The following ATP6V1H variants were observed in gnomAD, a reference collection of about 807,000 sequenced individuals.
ATP6V1H encodes V-type proton ATPase subunit H.
In ATP6V1H, 39 loss-of-function variants were observed where a neutral mutation model predicts 71.7. The observed-to-expected ratio is 0.54, with a 90% CI of 0.42 to 0.71. The LOEUF is 0.71. Among genes scored for constraint, ATP6V1H ranks in the 30% least tolerant of loss-of-function variants. The probability of loss-of-function intolerance (pLI) is 0.00; values close to 1 mark genes in which losing one functional copy is unlikely to be tolerated. For missense variants in ATP6V1H, 509 were observed against 594.9 expected (o/e 0.86, Z 1.50); for synonymous variants, 192 against 199.3 (o/e 0.96, Z 0.31).
In ATP6V1H at chr8:53,753,450, A is replaced by G. The variant is rs562998361; in HGVS notation, c.1277+3105T>C. 2.8e-4 allele frequency among the ~76,000 whole-genome samples: 42 copies of G among 152,240 alleles called. 1 individual carries two copies. Among genetic ancestry groups the G allele is most frequent in the Non-Finnish European group, 5.3e-4 (36 of 68,048 alleles). On this transcript the variant is annotated intron_variant, in intron 12 of 13. Transcript: ENST00000359530. ...GAGAAAGAAAGGAACAGGGCAGTAG[A>G]GCAGAATTACGTGAAGGCATAGCAG...
At chr8:53,837,424 C>T (rs971750470) in intron 2 of ATP6V1H, among the ~76,000 whole-genome samples, 4 of 151,358 alleles carry the variant, frequency 2.6e-5, no homozygotes, top group Non-Finnish European at 4.4e-5. Context: ...ACAGAAAATA[C>T]GCAAATACAA....
intron 9 of ATP6V1H, among the ~76,000 whole-genome samples, chr8:53,772,430 A>G (rs1366825394): frequency 6.6e-6 from 1 of 152,194 alleles, no homozygotes; most frequent in Non-Finnish European, 1.5e-5. Context: ...ACAACACTGA[A>G]CACGTTTACA....
rs190264639 is a variant in ATP6V1H, at chr8:53,727,272, G to A, written c.1392-11248C>T. ...TCAGTCCTTCCTTCCTCATCCTCTCGGCTTATTTTACACTGCTCACCACTA... is the reference window on the plus strand; with the variant it reads ...TCAGTCCTTCCTTCCTCATCCTCTCAGCTTATTTTACACTGCTCACCACTA... On this transcript the variant is annotated intron_variant, in intron 13 of 13. Coordinates refer to ENST00000359530, the MANE Select transcript of ATP6V1H (RefSeq NM_015941.4). 2.3e-3 allele frequency among the ~76,000 whole-genome samples: 347 copies of A among 152,104 alleles called. 2 individuals are homozygous for A. The highest frequency in any genetic ancestry group is 8.1e-3 in the African/African-American group (337 of 41,486).
intron 13 of ATP6V1H, among the ~76,000 whole-genome samples, chr8:53,726,788 G>A (rs1020876914): frequency 5.3e-5 from 8 of 151,930 alleles, no homozygotes; most frequent in Admixed American, 3.3e-4. Flanking sequence ...GTCTCCCTCC[G>A]CTCCCTCCTG....
At chr8:53,735,849 C>T (rs1375652322) in intron 13 of ATP6V1H, among the ~76,000 whole-genome samples, 1 of 152,206 alleles carries the variant, frequency 6.6e-6, no homozygotes, top group East Asian at 1.9e-4. Context: ...CCCACTGCTG[C>T]TAAAGTTGCA....
intron 12 of ATP6V1H, among the ~76,000 whole-genome samples, chr8:53,750,446 A>T (rs1563448304): frequency 6.6e-6 from 1 of 152,180 alleles, no homozygotes; most frequent in Non-Finnish European, 1.5e-5. Flanking sequence ...AGGTTCTTGG[A>T]AACTGACTTC....
chr8:53,787,195 TAA>T (rs894771528), intron 9 of ATP6V1H, among the ~76,000 whole-genome samples: 4 of 152,112 alleles, frequency 2.6e-5, no homozygotes, highest in Admixed American at 6.5e-5. Flanking sequence ...CCCCAAAATT[TAA>T]AAAGTCTCAG....
chr8:53,780,159 A>T (rs1326172086), intron 9 of ATP6V1H, among the ~76,000 whole-genome samples: 2 of 139,838 alleles, frequency 1.4e-5, no homozygotes, highest in Non-Finnish European at 3.1e-5. Flanking sequence ...ACTCCATCTC[A>T]AAAAAAAAAA....
At chr8:53,840,046 A>T in intron 2 of ATP6V1H, 1 of 432,970 alleles carries the variant, frequency 2.3e-6, no homozygotes, top group Non-Finnish European at 3.1e-6. Context: ...TTCTATTCCC[A>T]AGGCTGCTCC....
chr8:53,789,400 C>G (rs548834590), intron 9 of ATP6V1H, among the ~76,000 whole-genome samples: 3 of 152,082 alleles, frequency 2.0e-5, no homozygotes, highest in East Asian at 3.9e-4. Context: ...GGGCCAGGCA[C>G]GGTGGCTCAC....
chr8:53,767,134 G>T (rs1263580295), intron 11 of ATP6V1H, among the ~76,000 whole-genome samples: 2 of 152,182 alleles, frequency 1.3e-5, no homozygotes, highest in Non-Finnish European at 1.5e-5. Flanking sequence ...TCTCAAGCCA[G>T]CTGACACTTA....
At chr8:53,744,468 A>G (rs572832136) in intron 12 of ATP6V1H, among the ~76,000 whole-genome samples, 1 of 152,332 alleles carries the variant, frequency 6.6e-6, no homozygotes, top group Non-Finnish European at 1.5e-5. Context: ...CTTCCACACA[A>G]CAGTGTGGAC....
chr8:53,825,487 A>G (rs1212514956), intron 4 of ATP6V1H, among the ~76,000 whole-genome samples: 2 of 152,172 alleles, frequency 1.3e-5, no homozygotes, highest in Admixed American at 1.3e-4. Context: ...ACTGGGGGAA[A>G]AAAAAAACTG....
intron 3 of ATP6V1H, among the ~76,000 whole-genome samples, chr8:53,830,951 C>T (rs1810986994): frequency 6.6e-6 from 1 of 152,000 alleles, no homozygotes; most frequent in African/African-American, 2.4e-5. Flanking sequence ...GCAGACATCA[C>T]AAAGGAAAGG....
At chr8:53,759,725 T>C (rs1808198621) in intron 11 of ATP6V1H, among the ~76,000 whole-genome samples, 1 of 152,250 alleles carries the variant, frequency 6.6e-6, no homozygotes, top group South Asian at 2.1e-4. Context: ...AGTTTTTGCT[T>C]TTCTTCTATC....
intron 12 of ATP6V1H, among the ~76,000 whole-genome samples, chr8:53,745,813 C>T (rs1054028393): frequency 6.6e-6 from 1 of 152,152 alleles, no homozygotes; most frequent in Non-Finnish European, 1.5e-5. Context: ...GATGGCAGAA[C>T]GCTGCCTTGT....
Position 53,840,016 on chromosome 8 carries a change from G to A in ATP6V1H, c.113+1562C>T, listed in dbSNP as rs1217026311. 4.5e-6 allele frequency: 3 copies of A among 660,572 alleles called. No homozygotes were observed. The East Asian group carries it at 4.1e-4, about 91-fold the overall frequency. 40.9% of individuals were successfully genotyped at this position (660,572 alleles called of 1,614,324 possible). The stretch of plus-strand genomic sequence containing the variant: ...CCCAGTGTGCTGTTTTTGCTTCCCT[G>A]CCTTTGCTCACATTATCTGTTCTAT... On this transcript the variant is annotated intron_variant, in intron 2 of 13. Coordinates refer to ENST00000359530, the MANE Select transcript of ATP6V1H (RefSeq NM_015941.4).
At chr8:53,810,682 G>A (rs1810244866) in intron 7 of ATP6V1H, among the ~76,000 whole-genome samples, 1 of 152,210 alleles carries the variant, frequency 6.6e-6, no homozygotes, top group Admixed American at 6.5e-5. Flanking sequence ...AGAGGTTGCA[G>A]TGAGCTGAGA....
In ATP6V1H at chr8:53,795,753, T is replaced by G. The variant is rs1401440482; in HGVS notation, c.764A>C (p.Gln255Pro). ...FSIWLLAFSP[Q>P]MCEHLRRYNI... ...ATAGCGCCGCAGGTGTTCACACATT[T>G]GAGGACTGAATGCCAGGAGCCATAT... The change falls in exon 9 of 14, where the codon CAA becomes CCA. Residue 255 changes from glutamine (Q) to proline (P), a missense_variant. Physicochemically the swap from Gln to Pro is moderately conservative, Grantham distance 76 (BLOSUM62 -1). This residue lies in a region of ATP6V1H where 212 missense variants were observed against 291.6 expected (regional missense o/e 0.73). Coordinates refer to ENST00000359530, the MANE Select transcript of ATP6V1H (RefSeq NM_015941.4). The G allele has an allele frequency of 6.2e-7, 1 of 1,613,964 alleles. No individual in the cohort carries two copies. Among genetic ancestry groups the G allele is most frequent in the African/African-American group, 1.3e-5 (1 of 74,894 alleles).
Sources: allele counts gnomAD v4.1 joint callset (sites outside exome capture counted in the v4.1 genomes callset), GRCh38; gene constraint gnomAD v4.1.1; regional missense constraint gnomAD v4.1.1; transcripts MANE v1.5; gene names NCBI Gene and HGNC (gene_info 2026-07-23, HGNC 2026-07-21).